FRMD4B: variants seen among roughly 807,000 people sequenced by gnomAD.
The protein encoded by FRMD4B is FERM domain containing 4B.
A neutral mutation model predicts 141.5 loss-of-function variants in FRMD4B; 74 were observed. The ratio of observed to expected loss-of-function variants is 0.52; its 90% CI spans 0.43 to 0.63. The LOEUF is 0.63. FRMD4B is among the 30% of genes least tolerant of loss of function. The pLI is 0.00. For missense variants in FRMD4B, 1,366 were observed against 1,253.4 expected, an observed-to-expected ratio of 1.09 and a Z score of -1.36; for synonymous variants, 506 against 467.9, an observed-to-expected ratio of 1.08 and a Z score of -1.05.
Position 69,196,388 on chromosome 3 carries a change from A to G in FRMD4B, c.1101T>C (p.Ile367=). The G allele has an allele frequency of 1.2e-6, 2 of 1,608,796 alleles. No homozygotes were observed. Among genetic ancestry groups the G allele is most frequent in the South Asian group, 2.2e-5 (2 of 89,682 alleles). ...YLDRKQSKAK[I]PSARSLDEIA... Reference sequence around the variant, plus strand: ...TCTCATCTAAACTCCTGGCTGAAGGAATTTTTGCCTAAGAGGCATACAACA... The same window carrying G: ...TCTCATCTAAACTCCTGGCTGAAGGGATTTTTGCCTAAGAGGCATACAACA... Residue 367 remains isoleucine, a synonymous_variant, in exon 14 of 23, where the codon ATT becomes ATC. Transcript: ENST00000398540.
At chr3:69,300,606 C>T (rs1426689982) in intron 4 of FRMD4B, among the ~76,000 whole-genome samples, 1 of 152,178 alleles carries the variant, frequency 6.6e-6, no homozygotes, top group East Asian at 1.9e-4. Context: ...TGGTTACTAC[C>T]TAGATGGTAC....
chr3:69,491,994 C>T lies in FRMD4B; in HGVS notation c.-129+50212G>A, dbSNP rs116764103. Among the ~76,000 whole-genome samples, 362 of 152,334 alleles carry T rather than the reference C, an allele frequency of 2.4e-3. 2 individuals carry two copies. The highest frequency in any genetic ancestry group is 3.6e-3 in the Non-Finnish European group (244 of 68,030). Reference sequence around the variant, plus strand: ...TCTTCCCCCTCCTCCGCCGTACCCCCGCAAGTACCAAGACAGTCGGCCAAG... The same window carrying T: ...TCTTCCCCCTCCTCCGCCGTACCCCTGCAAGTACCAAGACAGTCGGCCAAG... On this transcript the variant is annotated intron_variant, in intron 1 of 5. Coordinates refer to the FRMD4B transcript ENST00000459638.
intron 1 of FRMD4B, among the ~76,000 whole-genome samples, chr3:69,433,686 G>C (rs1705214820): frequency 6.6e-6 from 1 of 152,184 alleles, no homozygotes; most frequent in African/African-American, 2.4e-5. Flanking sequence ...CCATATTCAA[G>C]GAGCTTAACT....
chr3:69,289,205 C>G (rs140019219), intron 4 of FRMD4B, among the ~76,000 whole-genome samples: 5 of 152,172 alleles, frequency 3.3e-5, no homozygotes, highest in Non-Finnish European at 5.9e-5. Context: ...TCATGTCCAC[C>G]ATTTATTCGC....
chr3:69,359,780 G>C (rs1371945019), intron 1 of FRMD4B, among the ~76,000 whole-genome samples: 2 of 152,188 alleles, frequency 1.3e-5, no homozygotes, highest in Admixed American at 6.5e-5. Context: ...GGCACGTGCA[G>C]TTTTTTAGGT....
At chr3:69,344,471 C>A (rs1472346245) in intron 1 of FRMD4B, among the ~76,000 whole-genome samples, 4 of 152,180 alleles carry the variant, frequency 2.6e-5, no homozygotes, top group African/African-American at 9.7e-5. Flanking sequence ...TTAAGAGTTA[C>A]AGAGCATTTC....
intron 7 of FRMD4B, among the ~76,000 whole-genome samples, chr3:69,225,972 C>A (rs1486638805): frequency 6.6e-6 from 1 of 152,084 alleles, no homozygotes; most frequent in Non-Finnish European, 1.5e-5. Context: ...CTCCCAAGTG[C>A]CAGATACCAT....
intron 1 of FRMD4B, among the ~76,000 whole-genome samples, chr3:69,329,798 C>T (rs1224327477): frequency 6.6e-6 from 1 of 151,898 alleles, no homozygotes; most frequent in Non-Finnish European, 1.5e-5. Context: ...TCCCAAAGTG[C>T]CGGGATTTGT....
At chr3:69,406,147 C>A (rs888545137) in intron 2 of FRMD4B, among the ~76,000 whole-genome samples, 1 of 152,130 alleles carries the variant, frequency 6.6e-6, no homozygotes, top group Non-Finnish European at 1.5e-5. Context: ...TTCCACAAAT[C>A]GAACACAAAA....
At chr3:69,408,873 T>C (rs1704704422) in intron 2 of FRMD4B, among the ~76,000 whole-genome samples, 1 of 152,076 alleles carries the variant, frequency 6.6e-6, no homozygotes, top group Non-Finnish European at 1.5e-5. Context: ...GTGTGTTTTT[T>C]AGAGAGGCCA....
intron 1 of FRMD4B, among the ~76,000 whole-genome samples, chr3:69,337,007 G>A (rs1048190482): frequency 2.6e-5 from 4 of 152,094 alleles, no homozygotes; most frequent in African/African-American, 7.2e-5. Context: ...TCCATTAATG[G>A]TAGAACAGAT....
At chr3:69,409,811 G>A (rs1313968848) in intron 2 of FRMD4B, among the ~76,000 whole-genome samples, 1 of 152,182 alleles carries the variant, frequency 6.6e-6, no homozygotes, top group Non-Finnish European at 1.5e-5. Context: ...TAAAAAGGAA[G>A]AAAATCTGAC....
intron 1 of FRMD4B, among the ~76,000 whole-genome samples, chr3:69,493,843 G>A (rs911689342): frequency 5.3e-5 from 8 of 152,246 alleles, no homozygotes; most frequent in East Asian, 1.9e-4. Context: ...AGTATGATAC[G>A]TTTTGTCATC....
intron 2 of FRMD4B, among the ~76,000 whole-genome samples, chr3:69,408,292 G>T (rs1704687175): frequency 1.3e-5 from 2 of 152,154 alleles, no homozygotes; most frequent in Admixed American, 1.3e-4. Flanking sequence ...GGCCTGAAAG[G>T]TTCTTTTCAA....
chr3:69,515,471 C>T (rs912343016), intron 1 of FRMD4B, among the ~76,000 whole-genome samples: 16 of 152,266 alleles, frequency 1.1e-4, no homozygotes, highest in East Asian at 5.8e-4. Context: ...AATTTATTTA[C>T]GTATTTGGTC....
At chr3:69,227,624 T>C (rs2093266906) in intron 7 of FRMD4B, among the ~76,000 whole-genome samples, 1 of 149,450 alleles carries the variant, frequency 6.7e-6, no homozygotes, top group African/African-American at 2.5e-5. Context: ...ATCGCGCCAT[T>C]GCACTCCAGC....
rs1415251918 is a variant in FRMD4B at position 69,342,778 on chromosome 3, T to A, written c.163-29261A>T. On this transcript the variant is annotated intron_variant, in intron 1 of 22. Transcript: ENST00000398540. ...TTCTTTATGTTGGGAACATTCAATA[T>A]CCTCCTATTTGAAACTATATATTAC... 3.9e-5 allele frequency among the ~76,000 whole-genome samples: 6 copies of A among 152,288 alleles called. No individual in the cohort carries two copies. The East Asian group carries it at 1.2e-3, about 29-fold the overall frequency.
chr3:69,178,965 G>C (rs893557499), intron 21 of FRMD4B, among the ~76,000 whole-genome samples: 6 of 151,668 alleles, frequency 4.0e-5, no homozygotes, highest in African/African-American at 1.5e-4. Flanking sequence ...AGATCCTTCA[G>C]GTGGCTGGAA....
At chr3:69,476,344 G>A (rs373218621) in intron 1 of FRMD4B, among the ~76,000 whole-genome samples, 21 of 152,072 alleles carry the variant, frequency 1.4e-4, no homozygotes, top group South Asian at 2.1e-4. Context: ...TAGGTCTAAC[G>A]TTTAAGTCTT....
Sources: allele counts gnomAD v4.1 joint callset (sites outside exome capture counted in the v4.1 genomes callset), GRCh38; gene constraint gnomAD v4.1.1; transcripts MANE v1.5; gene names NCBI Gene and HGNC (gene_info 2026-07-23, HGNC 2026-07-21).